SMIM13: variants seen among roughly 807,000 people sequenced by gnomAD.
SMIM13 encodes UPF0766 protein C6orf228.
A neutral mutation model predicts 5.9 loss-of-function variants in SMIM13; 3 were observed. The observed-to-expected ratio is 0.51, with a 90% CI of 0.23 to 1.31. SMIM13 has a LOEUF of 1.31. SMIM13 is among the 40% of genes most tolerant of loss of function. The probability of loss-of-function intolerance (pLI) is 0.18; values close to 1 mark genes in which losing one functional copy is unlikely to be tolerated. For missense variants in SMIM13, 85 were observed against 109.9 expected, an observed-to-expected ratio of 0.77 and a Z score of 1.01; for synonymous variants, 55 against 46.0, an observed-to-expected ratio of 1.19 and a Z score of -0.79.
chr6:11,117,999 G>A (rs1227809595), intron 1 of SMIM13, among the ~76,000 whole-genome samples: 1 of 152,142 alleles, frequency 6.6e-6, no homozygotes, highest in Non-Finnish European at 1.5e-5. Context: ...GCCTCCCAAA[G>A]TGCTGGGATT....
At chr6:11,123,481 A>G (rs1758337281) in intron 1 of SMIM13, among the ~76,000 whole-genome samples, 1 of 152,208 alleles carries the variant, frequency 6.6e-6, no homozygotes, top group African/African-American at 2.4e-5. Context: ...ATTTCGTGTT[A>G]TATTTGTCAT....
At chr6:11,127,947 G>A (rs1758399816) in intron 1 of SMIM13, among the ~76,000 whole-genome samples, 1 of 152,276 alleles carries the variant, frequency 6.6e-6, no homozygotes, top group Middle Eastern at 3.4e-3. Flanking sequence ...AGCAGGTCCA[G>A]AAATGCCATC....
chr6:11,117,254 C>T (rs1427347263), intron 1 of SMIM13, among the ~76,000 whole-genome samples: 23 of 148,206 alleles, frequency 1.6e-4, no homozygotes, highest in African/African-American at 5.7e-4. Context: ...AGCTCTGCCT[C>T]CCGGGTTCAC....
chr6:11,094,531 C>T (rs36067344), intron 1 of SMIM13, 142 bp downstream of exon 1: 123,653 of 649,552 alleles, frequency 0.19, 13,001 homozygotes, highest in African/African-American at 0.31. Flanking sequence ...GTCCCTTAGC[C>T]TCTAGGGCTG....
rs530848643 is a variant in SMIM13, at chr6:11,106,014, T to A, written c.76+11625T>A. 3.9e-5 allele frequency among the ~76,000 whole-genome samples: 6 copies of A among 152,148 alleles called. No homozygotes were observed. In the East Asian group the frequency reaches 1.2e-3, roughly 29 times the overall value. On this transcript the variant is annotated intron_variant, in intron 1 of 1. Transcript: ENST00000416247. ...GTTTCCTGGCAGAGTTTGTTGGGGA[T>A]GTGTTTGAGGGTTTGGTTATTTCCA...
chr6:11,113,980 T>TG (rs1167804250), intron 1 of SMIM13, among the ~76,000 whole-genome samples: 1 of 151,496 alleles, frequency 6.6e-6, no homozygotes, highest in Non-Finnish European at 1.5e-5. Context: ...CTTTTTGTTT[T>TG]TTTTTTTTAA....
chr6:11,115,166 G>A (rs537720332), intron 1 of SMIM13, among the ~76,000 whole-genome samples: 1 of 152,210 alleles, frequency 6.6e-6, no homozygotes, highest in South Asian at 2.1e-4. Flanking sequence ...TGTCTCTTTG[G>A]ATTTTTGGAA....
intron 1 of SMIM13, among the ~76,000 whole-genome samples, chr6:11,101,830 C>G (rs1453839015): frequency 6.6e-6 from 1 of 151,636 alleles, no homozygotes; most frequent in Non-Finnish European, 1.5e-5. Flanking sequence ...ACTTCCCCCT[C>G]CTGGGTTCAA....
chr6:11,103,458 C>G (rs34937009), intron 1 of SMIM13: 61,669 of 538,866 alleles, frequency 0.11, 4,365 homozygotes, highest in Middle Eastern at 0.15. Context: ...CATTTCCCCC[C>G]CTCAAGAGTC....
chr6:11,118,364 T>G (rs59335805), intron 1 of SMIM13, among the ~76,000 whole-genome samples: 2,622 of 152,292 alleles, frequency 0.017, 68 homozygotes, highest in African/African-American at 0.06. Flanking sequence ...AGAGCAGACA[T>G]TGAGCTCTGT....
chr6:11,130,453 G>A (rs1375625086), intron 1 of SMIM13, among the ~76,000 whole-genome samples: 2 of 152,068 alleles, frequency 1.3e-5, no homozygotes, highest in Admixed American at 6.6e-5. Context: ...AATGCATACT[G>A]TTCAAGCTTA....
At chr6:11,102,128 G>A (rs1307383413) in intron 1 of SMIM13, among the ~76,000 whole-genome samples, 2 of 152,132 alleles carry the variant, frequency 1.3e-5, no homozygotes, top group African/African-American at 4.8e-5. Flanking sequence ...AGTATCTAGT[G>A]TATTGTGACT....
At chr6:11,103,481 A>C in intron 1 of SMIM13, 1 of 652,624 alleles carries the variant, frequency 1.5e-6, no homozygotes, top group South Asian at 3.4e-5. Flanking sequence ...AGACCCAATT[A>C]TCTGGGAAAA....
intron 1 of SMIM13, among the ~76,000 whole-genome samples, chr6:11,129,209 G>A (rs986717667): frequency 3.3e-5 from 5 of 151,994 alleles, no homozygotes; most frequent in Non-Finnish European, 5.9e-5. Flanking sequence ...CCCGGACTCC[G>A]ATAACCATCA....
chr6:11,121,614 T>C (rs1758310785), intron 1 of SMIM13, among the ~76,000 whole-genome samples: 1 of 152,232 alleles, frequency 6.6e-6, no homozygotes, highest in African/African-American at 2.4e-5. Context: ...TGCTGTTATT[T>C]GGTGCTCTCT....
intron 1 of SMIM13, among the ~76,000 whole-genome samples, chr6:11,109,295 G>T (rs1758135639): frequency 1.3e-5 from 2 of 152,130 alleles, no homozygotes; most frequent in South Asian, 2.1e-4. Flanking sequence ...TTTTAATTTG[G>T]CTCAGGTCTT....
chr6:11,094,686 C>T (rs775708517), intron 1 of SMIM13, among the ~76,000 whole-genome samples: 7 of 152,152 alleles, frequency 4.6e-5, no homozygotes, highest in African/African-American at 1.2e-4. Context: ...CCACAGGCTG[C>T]CCAGATTGTA....
intron 1 of SMIM13, among the ~76,000 whole-genome samples, chr6:11,106,338 T>C (rs1426571799): frequency 6.6e-6 from 1 of 152,244 alleles, no homozygotes; most frequent in Non-Finnish European, 1.5e-5. Context: ...CCGCAGGGTA[T>C]GTACCTCTCC....
chr6:11,103,679 G>T, intron 1 of SMIM13: 1 of 1,544,326 alleles, frequency 6.5e-7, no homozygotes, highest in East Asian at 2.4e-5. Context: ...CTAGCGAGCA[G>T]TCTAGGGGTC....
Sources: gnomAD v4.1 joint callset for allele counts (sites outside exome capture counted in the v4.1 genomes callset) on GRCh38, gnomAD v4.1.1 for gene constraint, MANE v1.5 for transcripts, NCBI Gene and HGNC (gene_info 2026-07-23, HGNC 2026-07-21) for gene names.